PAN3: variants seen among roughly 807,000 people sequenced by gnomAD.
The protein encoded by PAN3 is poly(A) specific ribonuclease subunit PAN3.
PAN3 carries 19 observed loss-of-function variants against 96.2 expected under a neutral mutation model. The ratio of observed to expected loss-of-function variants is 0.20; its 90% CI spans 0.14 to 0.29. PAN3 has a LOEUF of 0.29. PAN3 is among the 10% of genes least tolerant of loss of function. The pLI, the probability that PAN3 is intolerant of heterozygous loss-of-function variation, is 1.00. For synonymous variants in PAN3, 433 were observed against 406.6 expected, an observed-to-expected ratio of 1.06 and a Z score of -0.78; for missense variants, 882 against 1,108.1, an observed-to-expected ratio of 0.80 and a Z score of 2.90.
At chr13:28,249,914 T>C (rs901386635) in intron 6 of PAN3, among the ~76,000 whole-genome samples, 6 of 152,216 alleles carry the variant, frequency 3.9e-5, no homozygotes, top group Admixed American at 1.3e-4. Flanking sequence ...GTTTCCTTTT[T>C]AGTGAAGTTG....
intron 9 of PAN3, 73 bp from the exon 10 acceptor site, chr13:28,266,642 A>G (rs1886203616): frequency 2.5e-6 from 3 of 1,217,276 alleles, no homozygotes; most frequent in Middle Eastern, 4.0e-4. Flanking sequence ...AGTAAATATC[A>G]TGTCTTCTGT....
At chr13:28,219,630 A>G (rs1382262271) in intron 5 of PAN3, among the ~76,000 whole-genome samples, 2 of 152,260 alleles carry the variant, frequency 1.3e-5, no homozygotes, top group Non-Finnish European at 2.9e-5. Context: ...GTGTAATCTC[A>G]TAGCCAAATA....
chr13:28,283,021 T>C (rs1868482678), intron 17 of PAN3, among the ~76,000 whole-genome samples: 1 of 152,122 alleles, frequency 6.6e-6, no homozygotes, highest in East Asian at 1.9e-4. Context: ...TGTGAATGCA[T>C]ACTAAATTCT....
intron 18 of PAN3, among the ~76,000 whole-genome samples, chr13:28,291,889 A>G (rs45542342): frequency 4.9e-4 from 74 of 152,316 alleles, no homozygotes; most frequent in East Asian, 2.9e-3. Context: ...TTGGAAAACA[A>G]TTTGGTTCTA....
chr13:28,206,778 C>G (rs553979028), intron 5 of PAN3, among the ~76,000 whole-genome samples: 51 of 151,648 alleles, frequency 3.4e-4, no homozygotes, highest in African/African-American at 9.7e-4. Context: ...TTGTACTGCC[C>G]TCAAGAACTC....
Position 28,280,555 on chromosome 13 carries a change from A to ATTTTTTTT in PAN3, c.2319+31_2319+38dup, listed in dbSNP as rs35542876. 1.5e-5 allele frequency: 17 copies of ATTTTTTTT among 1,150,774 alleles called. No homozygotes were observed. The highest frequency in any genetic ancestry group is 7.6e-5 in the Admixed American group (2 of 26,364). The allele number at this position is 1,150,774 out of a possible 1,614,324, so 71.3% of individuals were successfully genotyped here. On this transcript the variant is annotated intron_variant, in intron 16 of 18. Coordinates refer to ENST00000380958, the MANE Select transcript of PAN3 (RefSeq NM_175854.8). Reference sequence around the variant, plus strand: ...GACCTTGCAAAGGTAAAGAGTGTAAATTTTTTTTTTTTTTTTTTTTTTTTG... The same window carrying ATTTTTTTT: ...GACCTTGCAAAGGTAAAGAGTGTAAATTTTTTTTTTTTTTTTTTTTTTTTTTTTTTTTG...
At chr13:28,251,106 T>C (rs1012880724) in intron 6 of PAN3, among the ~76,000 whole-genome samples, 2 of 152,196 alleles carry the variant, frequency 1.3e-5, no homozygotes, top group African/African-American at 2.4e-5. Flanking sequence ...TTTGATGTTT[T>C]TTCCCTTTAA....
chr13:28,185,771 A>T (rs1272847243), intron 4 of PAN3, among the ~76,000 whole-genome samples: 1 of 152,174 alleles, frequency 6.6e-6, no homozygotes, highest in African/African-American at 2.4e-5. Flanking sequence ...TATACACAGT[A>T]ATGGTAGTTT....
intron 1 of PAN3, among the ~76,000 whole-genome samples, chr13:28,146,235 G>A (rs1023573360): frequency 3.3e-5 from 5 of 150,666 alleles, no homozygotes; most frequent in African/African-American, 1.2e-4. Flanking sequence ...CATATATCTA[G>A]TATATATATT....
chr13:28,260,130 C>T (rs1332448690), intron 7 of PAN3, among the ~76,000 whole-genome samples: 1 of 152,030 alleles, frequency 6.6e-6, no homozygotes, highest in Non-Finnish European at 1.5e-5. Flanking sequence ...GGTGTGGTGG[C>T]TCACACCTGT....
intron 1 of PAN3, among the ~76,000 whole-genome samples, chr13:28,159,419 A>C (rs571794615): frequency 2.4e-4 from 37 of 152,242 alleles, no homozygotes; most frequent in African/African-American, 8.7e-4. Flanking sequence ...CATAGACATA[A>C]AGAAGGGAAC....
At chr13:28,166,532 A>G (rs1302464469) in intron 1 of PAN3, among the ~76,000 whole-genome samples, 85 of 152,112 alleles carry the variant, frequency 5.6e-4, no homozygotes, top group Non-Finnish European at 1.5e-5. Flanking sequence ...CTGGTGTTGG[A>G]TGCTGGTGGC....
At chr13:28,209,066 T>C (rs1879721937) in intron 5 of PAN3, among the ~76,000 whole-genome samples, 1 of 152,256 alleles carries the variant, frequency 6.6e-6, no homozygotes, top group African/African-American at 2.4e-5. Flanking sequence ...AGAATAGCTA[T>C]TACAATGTAA....
chr13:28,159,209 C>T (rs922282585), intron 1 of PAN3, among the ~76,000 whole-genome samples: 8 of 152,140 alleles, frequency 5.3e-5, no homozygotes, highest in African/African-American at 1.9e-4. Flanking sequence ...CCTAGATGCC[C>T]ATCAATGGTA....
rs559905433 is a variant in PAN3, at chr13:28,138,834, C to T, written c.177C>T (p.Phe59=). 61 of 1,418,220 alleles carry T rather than the reference C, an allele frequency of 4.3e-5. No homozygotes were observed. The East Asian group carries it at 1.7e-3, about 39-fold the overall frequency. 87.9% of individuals were successfully genotyped at this position (1,418,220 alleles called of 1,614,324 possible). The part of the protein sequence containing the change: ...CRYYAKDKTC[F]YGEECQFLHE... ...ACTACGCTAAGGATAAGACTTGCTTCTACGGGGAGGAGTGTCAGTTCCTGC... is the reference window on the plus strand; with the variant it reads ...ACTACGCTAAGGATAAGACTTGCTTTTACGGGGAGGAGTGTCAGTTCCTGC... Residue 59 remains phenylalanine (F), a synonymous_variant, in exon 1 of 19, where the codon TTC becomes TTT. Coordinates refer to ENST00000380958, the MANE Select transcript of PAN3 (RefSeq NM_175854.8).
chr13:28,238,189 AAGGCTG>A (rs1883275735), intron 6 of PAN3, among the ~76,000 whole-genome samples: 2 of 152,210 alleles, frequency 1.3e-5, no homozygotes, highest in African/African-American at 4.8e-5. Context: ...AGGAGGCTGG[AAGGCTG>A]CAGCACTTTT....
intron 1 of PAN3, among the ~76,000 whole-genome samples, chr13:28,157,793 T>C (rs1872397975): frequency 6.6e-6 from 1 of 152,140 alleles, no homozygotes. Context: ...ACAAAATAAA[T>C]ATTCAATGCT....
At chr13:28,178,212 CTA>C (rs530638471) in intron 4 of PAN3, among the ~76,000 whole-genome samples, 416 of 152,216 alleles carry the variant, frequency 2.7e-3, no homozygotes, top group African/African-American at 9.0e-3. Context: ...AAGATAACAT[CTA>C]ATTTAATGTT....
In PAN3 at chr13:28,208,129, AAT is replaced by A. The variant is rs1226467981; in HGVS notation, c.852+10788_852+10789del. On this transcript the variant is annotated intron_variant, in intron 5 of 18. Coordinates refer to ENST00000380958, the MANE Select transcript of PAN3 (RefSeq NM_175854.8). ...AACGTGGAAAATATTTGAAAATCTTAATATATGTTAAAATTTATGATTAATAT... is the reference window on the plus strand; with the variant it reads ...AACGTGGAAAATATTTGAAAATCTTAATATGTTAAAATTTATGATTAATAT... Among the ~76,000 whole-genome samples, 19 of 152,180 alleles carry A rather than the reference AAT, an allele frequency of 1.2e-4. 1 individual carries two copies. The highest frequency in any genetic ancestry group is 2.8e-4 in the Non-Finnish European group (19 of 68,016).
Sources: allele counts gnomAD v4.1 joint callset (sites outside exome capture counted in the v4.1 genomes callset), GRCh38; gene constraint gnomAD v4.1.1; transcripts MANE v1.5; gene names NCBI Gene and HGNC (gene_info 2026-07-23, HGNC 2026-07-21).